RGS6: variants seen among roughly 807,000 people sequenced by gnomAD.
RGS6 encodes regulator of G-protein signaling 6.
In RGS6, 30 loss-of-function variants were observed where a neutral mutation model predicts 78.5. That is an observed-to-expected ratio of 0.38 (90% CI 0.29 to 0.52). The LOEUF (loss-of-function observed/expected upper bound fraction) is 0.52, where lower values mean the gene tolerates loss of function less well. Among genes scored for constraint, RGS6 ranks in the 20% least tolerant of loss-of-function variants. RGS6 has a pLI of 0.85. For synonymous variants in RGS6, 206 were observed against 206.0 expected (o/e 1.00, Z 0.00); for missense variants, 495 against 609.7 (o/e 0.81, Z 1.98).
intron 3 of RGS6, among the ~76,000 whole-genome samples, chr14:72,449,887 G>A (rs1178558779): frequency 6.6e-6 from 1 of 152,184 alleles, no homozygotes; most frequent in Non-Finnish European, 1.5e-5. Flanking sequence ...CAGAGAGCAG[G>A]AAATGGCCAG....
intron 3 of RGS6, among the ~76,000 whole-genome samples, chr14:72,370,926 G>T (rs924460035): frequency 6.6e-6 from 1 of 152,178 alleles, no homozygotes; most frequent in Non-Finnish European, 1.5e-5. Context: ...GCCAATTGTG[G>T]TTTAAATAAG....
chr14:72,217,165 A>C (rs2045786694), intron 2 of RGS6, among the ~76,000 whole-genome samples: 1 of 152,182 alleles, frequency 6.6e-6, no homozygotes, highest in Non-Finnish European at 1.5e-5. Flanking sequence ...GAAAACCCAC[A>C]TGCAGTGGAT....
chr14:72,359,162 A>G (rs1370396131), intron 3 of RGS6, among the ~76,000 whole-genome samples: 1 of 151,906 alleles, frequency 6.6e-6, no homozygotes, highest in East Asian at 1.9e-4. Context: ...TGTCAATTAA[A>G]CCTCTTTTCT....
chr14:72,221,379 G>A (rs932599512), intron 2 of RGS6, among the ~76,000 whole-genome samples: 1 of 152,042 alleles, frequency 6.6e-6, no homozygotes, highest in Non-Finnish European at 1.5e-5. Context: ...GTGGGACCTA[G>A]TCAATGAGAC....
At chr14:72,538,947 TG>T (rs1365683368) in intron 16 of RGS6, among the ~76,000 whole-genome samples, 3 of 152,272 alleles carry the variant, frequency 2.0e-5, no homozygotes, top group Middle Eastern at 3.2e-3. Context: ...GACCTCAGGC[TG>T]CCTCTTTAGC....
intron 2 of RGS6, among the ~76,000 whole-genome samples, chr14:72,209,547 A>C (rs2043541007): frequency 6.6e-6 from 1 of 152,162 alleles, no homozygotes; most frequent in Non-Finnish European, 1.5e-5. Context: ...GGGATGTGAC[A>C]CAGTTGTCTA....
At chr14:71,925,240 T>C in the RGS6 span, among the ~76,000 whole-genome samples, 1 of 152,244 alleles carries the variant, frequency 6.6e-6, no homozygotes. Context: ...TTCAAGTTCT[T>C]TGCTCATTTT....
At chr14:72,076,446 G>A (rs2094576937) in intron 2 of RGS6, among the ~76,000 whole-genome samples, 1 of 152,152 alleles carries the variant, frequency 6.6e-6, no homozygotes, top group Non-Finnish European at 1.5e-5. Context: ...ACACTCCAGT[G>A]AATATCCTTT....
intron 2 of RGS6, among the ~76,000 whole-genome samples, chr14:72,334,271 G>A (rs2075619081): frequency 1.3e-5 from 2 of 152,208 alleles, no homozygotes; most frequent in South Asian, 4.1e-4. Context: ...CCAATTATCT[G>A]GAGGGCAACT....
intron 2 of RGS6, among the ~76,000 whole-genome samples, chr14:72,330,455 C>A (rs1396718280): frequency 1.3e-5 from 2 of 152,184 alleles, no homozygotes; most frequent in African/African-American, 4.8e-5. Flanking sequence ...CCTGAACACT[C>A]ATTAACTGAG....
At chr14:71,879,720 G>C in the RGS6 span, among the ~76,000 whole-genome samples, 1 of 152,152 alleles carries the variant, frequency 6.6e-6, no homozygotes. Flanking sequence ...CAGCCATGTG[G>C]AACTGTGAGT....
At chr14:72,591,629 C>G in the RGS6 span, among the ~76,000 whole-genome samples, 1 of 152,208 alleles carries the variant, frequency 6.6e-6, no homozygotes, top group Non-Finnish European at 1.5e-5. Flanking sequence ...GCTTCAGTCA[C>G]TCAATCACAG....
chr14:72,278,168 G>A (rs574331539), intron 2 of RGS6, among the ~76,000 whole-genome samples: 2 of 152,238 alleles, frequency 1.3e-5, no homozygotes, highest in Admixed American at 6.5e-5. Flanking sequence ...GTCAGTTGGT[G>A]TTATCTTTAA....
At chr14:71,946,631 A>G (rs903596473) in intron 1 of RGS6, among the ~76,000 whole-genome samples, 1 of 152,184 alleles carries the variant, frequency 6.6e-6, no homozygotes, top group East Asian at 1.9e-4. Flanking sequence ...GAGGGATTTC[A>G]CTGAAGAGGC....
At chr14:72,568,479 A>G (rs903394329), downstream of RGS6, among the ~76,000 whole-genome samples, 4 of 152,154 alleles carry the variant, frequency 2.6e-5, no homozygotes, top group Non-Finnish European at 5.9e-5. Flanking sequence ...TCGAGGCTGT[A>G]GGCTTTGTTT....
At chr14:71,990,780 C>T in intron 2 of RGS6, 1 of 456,018 alleles carries the variant, frequency 2.2e-6, no homozygotes, top group South Asian at 1.5e-5. Context: ...ATGCCTATAT[C>T]CAGCTACCAA....
chr14:71,892,121 G>A, the RGS6 span, among the ~76,000 whole-genome samples: 300 of 152,004 alleles, frequency 2.0e-3, no homozygotes, highest in African/African-American at 6.7e-3. Context: ...CACCTTAATG[G>A]CACCTAATTG....
intron 2 of RGS6, among the ~76,000 whole-genome samples, chr14:72,204,666 C>T (rs900638920): frequency 2.0e-5 from 3 of 152,176 alleles, no homozygotes; most frequent in African/African-American, 7.2e-5. Context: ...ATGAAAGGGG[C>T]AAGGGGTCTC....
intron 7 of RGS6, among the ~76,000 whole-genome samples, chr14:72,468,371 G>A (rs928551708): frequency 4.2e-5 from 5 of 119,452 alleles, no homozygotes; most frequent in South Asian, 2.8e-4. Context: ...GCGAGACTCC[G>A]TCTCAAAAAA....
Sources: allele counts gnomAD v4.1 joint callset (sites outside exome capture counted in the v4.1 genomes callset), GRCh38; gene constraint gnomAD v4.1.1; transcripts MANE v1.5; gene names NCBI Gene and HGNC (gene_info 2026-07-23, HGNC 2026-07-21).